SLC13A4: variants seen among roughly 807,000 people sequenced by gnomAD.
SLC13A4 encodes the protein Na(+)/sulfate cotransporter SUT-1.
Under a neutral mutation model 72.7 loss-of-function variants are expected in SLC13A4, and 28 were observed. That is an observed-to-expected ratio of 0.39 (90% CI 0.29 to 0.53). The LOEUF is 0.53. Ranked by LOEUF, SLC13A4 falls within the 20% of genes least tolerant of loss-of-function variation. The probability of loss-of-function intolerance (pLI) is 0.78; values close to 1 mark genes in which losing one functional copy is unlikely to be tolerated. For synonymous variants in SLC13A4, 312 were observed against 325.5 expected (o/e 0.96, Z 0.45); for missense variants, 653 against 788.0 (o/e 0.83, Z 2.05).
At chr7:135,696,423 A>C (rs1795906435) in intron 8 of SLC13A4, among the ~76,000 whole-genome samples, 1 of 151,916 alleles carries the variant, frequency 6.6e-6, no homozygotes, top group Non-Finnish European at 1.5e-5. Context: ...ATCTCAGCTC[A>C]CTGCAACTTC....
At chr7:135,720,204 C>T (rs1258293807) in intron 2 of SLC13A4, among the ~76,000 whole-genome samples, 4 of 152,142 alleles carry the variant, frequency 2.6e-5, no homozygotes, top group African/African-American at 9.7e-5. Context: ...GTAATAACTC[C>T]ATGTGTACAT....
intron 3 of SLC13A4, among the ~76,000 whole-genome samples, chr7:135,706,766 A>G (rs1391413894): frequency 6.6e-6 from 1 of 152,152 alleles, no homozygotes; most frequent in Non-Finnish European, 1.5e-5. Context: ...CCCAATAGAG[A>G]TGAATGTTTG....
At chr7:135,710,835 C>G (rs926045168) in intron 2 of SLC13A4, among the ~76,000 whole-genome samples, 2 of 152,118 alleles carry the variant, frequency 1.3e-5, no homozygotes, top group African/African-American at 4.8e-5. Context: ...GGGGAAAAGC[C>G]CCTGCTTCTG....
In SLC13A4 at chr7:135,683,583, A is replaced by G. The variant is rs534836540; in HGVS notation, c.1746+541T>C. On this transcript the variant is annotated intron_variant, in intron 15 of 15. Transcript: ENST00000682651. Reference sequence around the variant, plus strand: ...CTAAAGTCAGCAGCAAAATATCTCAAAGCCATCTTTTGTGAGCCCAGCTGA... The same window carrying G: ...CTAAAGTCAGCAGCAAAATATCTCAGAGCCATCTTTTGTGAGCCCAGCTGA... 2.4e-5 allele frequency: 24 copies of G among 985,292 alleles called. No individual in the cohort carries two copies. In the Admixed American group the frequency reaches 3.7e-4, roughly 15 times the overall value. The allele number at this position is 985,292 out of a possible 1,614,324, so 61.0% of individuals were successfully genotyped here.
At chr7:135,721,076 G>A (rs1796537390) in intron 2 of SLC13A4, among the ~76,000 whole-genome samples, 1 of 152,150 alleles carries the variant, frequency 6.6e-6, no homozygotes, top group African/African-American at 2.4e-5. Context: ...AAGGTCAACA[G>A]CAGCTGAGTT....
chr7:135,727,327 C>G, intron 1 of SLC13A4, 71 bp downstream of exon 1: 2 of 1,520,140 alleles, frequency 1.3e-6, no homozygotes, highest in Non-Finnish European at 1.8e-6. Flanking sequence ...GCCCCATGTT[C>G]CCCTACCGAC....
intron 5 of SLC13A4, chr7:135,704,304 G>A (rs1273986914): frequency 6.6e-6 from 1 of 152,384 alleles, no homozygotes; most frequent in East Asian, 1.9e-4. Context: ...GCCCTGCAGA[G>A]GGCGCCATAA....
Position 135,721,540 on chromosome 7 carries a change from G to C in SLC13A4, c.100-17C>G. On this transcript the variant is annotated splice_polypyrimidine_tract_variant and intron_variant, in intron 1 of 15. Transcript: ENST00000682651. ...CGAGGCCTCCTGCAAGGCAAGGAAA[G>C]GGGCCGTCATTCACAGGAATAGTCA... The C allele has an allele frequency of 1.2e-6, 2 of 1,613,432 alleles. No homozygotes were observed. The highest frequency in any genetic ancestry group is 1.7e-6 in the Non-Finnish European group (2 of 1,179,586).
intron 5 of SLC13A4, chr7:135,704,898 C>T (rs1006715432): frequency 2.0e-5 from 3 of 152,266 alleles, no homozygotes; most frequent in African/African-American, 7.2e-5. Flanking sequence ...TTTTTTACAA[C>T]AAGGGCAAAT....
intron 13 of SLC13A4, among the ~76,000 whole-genome samples, chr7:135,688,351 G>C (rs1795688667): frequency 6.6e-6 from 1 of 151,776 alleles, no homozygotes; most frequent in Admixed American, 6.6e-5. Context: ...CCTCCTCCTG[G>C]GTTCAAGTGA....
rs1316393044 is a variant in SLC13A4 at position 135,727,591 on chromosome 7, A to G, written c.-95T>C. 7.0e-7 allele frequency: 1 copy of G among 1,432,742 alleles called. No homozygotes were observed. Among genetic ancestry groups the G allele is most frequent in the East Asian group, 2.6e-5 (1 of 39,164 alleles). The allele number at this position is 1,432,742 out of a possible 1,614,324, so 88.8% of individuals were successfully genotyped here. On this transcript the variant is annotated 5_prime_UTR_variant, in exon 1 of 16. Transcript: ENST00000682651. ...TGCTCTCTATCCAGAAAGACTTCTT[A>G]AACCTTTCTTGGCTTCCGAGAGTCC...
rs1584736843 is a variant in SLC13A4, at chr7:135,714,377, G to A, written c.229-6127C>T. 2.6e-5 allele frequency among the ~76,000 whole-genome samples: 4 copies of A among 152,308 alleles called. No homozygotes were observed. The South Asian group carries it at 8.3e-4, about 32-fold the overall frequency. ...GAACTACCCAGATGGGGAAGCTGAG[G>A]CAAGGGTCTGGGCTCTGAGCCACGA... On this transcript the variant is annotated intron_variant, in intron 2 of 15. Coordinates refer to ENST00000682651, the MANE Select transcript of SLC13A4 (RefSeq NM_001318192.2).
intron 13 of SLC13A4, 49 bp from the exon 14 acceptor site, chr7:135,685,732 C>G (rs1407535315): frequency 1.3e-6 from 2 of 1,537,792 alleles, no homozygotes; most frequent in African/African-American, 2.7e-5. Flanking sequence ...AAGCACATCC[C>G]AGCTAGAGAT....
intron 7 of SLC13A4, among the ~76,000 whole-genome samples, chr7:135,701,478 G>C (rs576097116): frequency 1.3e-5 from 2 of 152,328 alleles, no homozygotes; most frequent in Non-Finnish European, 2.9e-5. Flanking sequence ...CTGGGGCTCA[G>C]GCAGTGGACT....
intron 2 of SLC13A4, among the ~76,000 whole-genome samples, chr7:135,715,397 ATGTGTGTATGAG>A (rs1369316194): frequency 3.1e-4 from 41 of 133,118 alleles, no homozygotes; most frequent in South Asian, 1.5e-3. Flanking sequence ...ATGTGTGAAC[ATGTGTGTATGAG>A]TGTGTGTATG....
chr7:135,727,500 GCCTC>G lies in SLC13A4; in HGVS notation c.-8_-5del. On this transcript the variant is annotated 5_prime_UTR_variant, in exon 1 of 16. Coordinates refer to ENST00000682651, the MANE Select transcript of SLC13A4 (RefSeq NM_001318192.2). The stretch of plus-strand genomic sequence containing the variant: ...GCAGGCCCTGCAGCAGGCCCATCGC[GCCTC>G]TGTCCTCTCCAGCTCGTCCTTGGAC... 2 of 1,549,284 alleles carry G rather than the reference GCCTC, an allele frequency of 1.3e-6. No homozygotes were observed. The highest frequency in any genetic ancestry group is 4.9e-5 in the East Asian group (2 of 40,872).
intron 13 of SLC13A4, chr7:135,688,916 C>T (rs894962233): frequency 6.6e-6 from 1 of 151,202 alleles, no homozygotes; most frequent in Non-Finnish European, 1.5e-5. Context: ...GATAGGGTCT[C>T]CCTCTGTCTC....
chr7:135,713,744 A>AT (rs1221617816), intron 2 of SLC13A4, among the ~76,000 whole-genome samples: 1 of 152,020 alleles, frequency 6.6e-6, no homozygotes, highest in Non-Finnish European at 1.5e-5. Flanking sequence ...TGTCCGGCTA[A>AT]TTTTGTATTT....
chr7:135,697,795 C>T (rs1474150096), intron 8 of SLC13A4, among the ~76,000 whole-genome samples: 2 of 152,074 alleles, frequency 1.3e-5, no homozygotes, highest in South Asian at 2.1e-4. Flanking sequence ...TTATGTGCTC[C>T]GCTGTCCTGC....
Sources: gnomAD v4.1 joint callset for allele counts (sites outside exome capture counted in the v4.1 genomes callset) on GRCh38, gnomAD v4.1.1 for gene constraint, MANE v1.5 for transcripts, NCBI Gene and HGNC (gene_info 2026-07-23, HGNC 2026-07-21) for gene names.